GMDS: variants seen among roughly 807,000 people sequenced by gnomAD.
GMDS encodes GDP-mannose 4,6 dehydratase.
Under a neutral mutation model 49.9 loss-of-function variants are expected in GMDS, and 20 were observed. That is an observed-to-expected ratio of 0.40 (90% CI 0.28 to 0.58). GMDS has a LOEUF of 0.58. Ranked by LOEUF, GMDS falls within the 20% of genes least tolerant of loss-of-function variation. The pLI is 0.42. For missense variants in GMDS, 362 were observed against 481.4 expected (o/e 0.75, Z 2.32); for synonymous variants, 177 against 178.6 (o/e 0.99, Z 0.07).
At chr6:2,044,727 T>C (rs562753430) in intron 4 of GMDS, among the ~76,000 whole-genome samples, 249 of 152,238 alleles carry the variant, frequency 1.6e-3, no homozygotes, top group Middle Eastern at 3.4e-3. Context: ...TTAAAAAAAA[T>C]GTTTTTAAGT....
At chr6:2,038,947 T>C (rs1223028903) in intron 4 of GMDS, among the ~76,000 whole-genome samples, 1 of 152,240 alleles carries the variant, frequency 6.6e-6, no homozygotes, top group Non-Finnish European at 1.5e-5. Context: ...TACAGCCATG[T>C]ATCACATAAC....
chr6:1,910,663 T>C (rs1040949000), intron 7 of GMDS, among the ~76,000 whole-genome samples: 1 of 152,158 alleles, frequency 6.6e-6, no homozygotes. Flanking sequence ...GCAGACGCTT[T>C]GCACATACAC....
chr6:2,175,592 G>T (rs1778245644), intron 1 of GMDS, among the ~76,000 whole-genome samples: 1 of 152,162 alleles, frequency 6.6e-6, no homozygotes, highest in Admixed American at 6.5e-5. Flanking sequence ...TCAATGAATT[G>T]CCCCTCTCCA....
intron 4 of GMDS, among the ~76,000 whole-genome samples, chr6:2,099,512 T>C (rs1457623662): frequency 6.6e-6 from 1 of 152,112 alleles, no homozygotes; most frequent in African/African-American, 2.4e-5. Context: ...CTCAGAATCA[T>C]TTCATGGAAG....
chr6:2,004,436 G>C (rs1425215933), intron 4 of GMDS, among the ~76,000 whole-genome samples: 1 of 151,868 alleles, frequency 6.6e-6, no homozygotes, highest in Admixed American at 6.6e-5. Context: ...GCCATTTTTT[G>C]AATTTTACAA....
At chr6:1,837,028 T>C (rs1482914117) in intron 7 of GMDS, among the ~76,000 whole-genome samples, 1 of 152,268 alleles carries the variant, frequency 6.6e-6, no homozygotes, top group East Asian at 1.9e-4. Flanking sequence ...CAGTTTCCGC[T>C]AACTCTTGCA....
chr6:1,700,752 C>T (rs1765514551), intron 9 of GMDS, among the ~76,000 whole-genome samples: 1 of 152,178 alleles, frequency 6.6e-6, no homozygotes, highest in African/African-American at 2.4e-5. Flanking sequence ...GCACACCTCG[C>T]GCTGTCCCTC....
intron 7 of GMDS, among the ~76,000 whole-genome samples, chr6:1,813,241 A>C (rs1039515024): frequency 4.6e-5 from 7 of 151,414 alleles, no homozygotes; most frequent in African/African-American, 7.2e-5. Flanking sequence ...AAAAAAAAAA[A>C]AAAAAAACCT....
intron 4 of GMDS, among the ~76,000 whole-genome samples, chr6:2,107,343 G>C (rs1395389771): frequency 6.6e-6 from 1 of 152,110 alleles, no homozygotes; most frequent in East Asian, 1.9e-4. Flanking sequence ...AGGCTTCCAA[G>C]AAGAATCTGA....
chr6:2,103,273 A>T, intron 4 of GMDS, among the ~76,000 whole-genome samples: 1 of 152,330 alleles, frequency 6.6e-6, no homozygotes, highest in African/African-American at 2.4e-5. Context: ...AATAAATTAT[A>T]TTAAGTGTTA....
chr6:2,117,352 AGTAATTGTGACTTGTTGG>A (rs1774900052), intron 3 of GMDS, 99 bp downstream of exon 3: 1 of 696,468 alleles, frequency 1.4e-6, no homozygotes, highest in African/African-American at 1.8e-5. Flanking sequence ...TTCATGGGTA[AGTAATTGTGACTTGTTGG>A]GCTTTGACAA....
chr6:1,984,567 C>T (rs1314239853), intron 4 of GMDS, among the ~76,000 whole-genome samples: 1 of 152,208 alleles, frequency 6.6e-6, no homozygotes, highest in African/African-American at 2.4e-5. Flanking sequence ...CTTTATAAAT[C>T]TACCCCCTTA....
chr6:1,806,109 T>A (rs150594471), intron 7 of GMDS, among the ~76,000 whole-genome samples: 119 of 152,168 alleles, frequency 7.8e-4, no homozygotes, highest in African/African-American at 2.8e-3. Flanking sequence ...TGAGACCCTG[T>A]CTCTAAAAAA....
intron 4 of GMDS, among the ~76,000 whole-genome samples, chr6:2,032,846 T>C (rs941307606): frequency 5.9e-5 from 9 of 152,182 alleles, no homozygotes; most frequent in Admixed American, 3.9e-4. Context: ...CCTGTGGTGA[T>C]AGATACAATA....
intron 7 of GMDS, among the ~76,000 whole-genome samples, chr6:1,896,885 G>C (rs902948789): frequency 1.3e-5 from 2 of 152,200 alleles, no homozygotes; most frequent in Non-Finnish European, 2.9e-5. Flanking sequence ...GGGATGAACA[G>C]GGAGACAGGG....
chr6:1,923,944 G>A (rs915572841), intron 7 of GMDS, among the ~76,000 whole-genome samples: 2 of 152,136 alleles, frequency 1.3e-5, no homozygotes, highest in African/African-American at 4.8e-5. Context: ...ACCTTCCCCA[G>A]GTCTCTGTAT....
Position 1,635,845 on chromosome 6 carries a change from G to A in GMDS, c.988-11305C>T, listed in dbSNP as rs1763128068. Among the ~76,000 whole-genome samples the A allele has an allele frequency of 6.6e-6, 1 of 152,222 alleles. No individual in the cohort carries two copies. The highest frequency in any genetic ancestry group is 1.5e-5 in the Non-Finnish European group (1 of 68,032). On this transcript the variant is annotated intron_variant, in intron 9 of 10. Coordinates refer to ENST00000380815, the MANE Select transcript of GMDS (RefSeq NM_001500.4). This position sits in a 1 kb window ranked among gnomAD's most constrained non-coding sequence, Gnocchi z 4.7. ...AACCCACAGCCACTCCAGGCAAGCA[G>A]GGCCCAGCCTCGGCACCTCCAGCAC...
chr6:2,244,912 G>A (rs1237173251), intron 1 of GMDS, among the ~76,000 whole-genome samples: 2 of 152,148 alleles, frequency 1.3e-5, no homozygotes, highest in East Asian at 1.9e-4. Context: ...CCCTTGAGCC[G>A]AGACACATCA....
chr6:2,141,825 C>T (rs773866420), intron 1 of GMDS, among the ~76,000 whole-genome samples: 6 of 151,496 alleles, frequency 4.0e-5, no homozygotes, highest in African/African-American at 7.3e-5. Context: ...TGCGACCTAA[C>T]GACACACTGG....
Sources: allele counts gnomAD v4.1 joint callset (sites outside exome capture counted in the v4.1 genomes callset), GRCh38; gene constraint gnomAD v4.1.1; non-coding constraint Gnocchi (gnomAD v3.1); transcripts MANE v1.5; gene names NCBI Gene and HGNC (gene_info 2026-07-23, HGNC 2026-07-21).